CALN1: variants seen among roughly 807,000 people sequenced by gnomAD.
CALN1 encodes the protein calneuron 1, also known as calcium-binding protein 8.
CALN1 carries 17 observed loss-of-function variants against 30.6 expected under a neutral mutation model. That is an observed-to-expected ratio of 0.56 (90% CI 0.38 to 0.83). CALN1 has a LOEUF of 0.83. Ranked by LOEUF, CALN1 falls within the 40% of genes least tolerant of loss-of-function variation. CALN1 has a pLI of 0.00. For missense variants in CALN1, 291 were observed against 354.9 expected, an observed-to-expected ratio of 0.82 and a Z score of 1.45; for synonymous variants, 156 against 131.4, an observed-to-expected ratio of 1.19 and a Z score of -1.28.
At position 71,787,745 on chromosome 7, in the gene CALN1, C is replaced by T; in HGVS notation, c.*30G>A. The stretch of plus-strand genomic sequence containing the variant: ...GCACGGCATGCACATGCGCGGTGAG[C>T]TGCAACACAGTGTGGCTGGCGGGAG... On this transcript the variant is annotated 3_prime_UTR_variant, in exon 7 of 7. Transcript: ENST00000395275. The T allele has an allele frequency of 6.2e-7, 1 of 1,612,130 alleles. No homozygotes were observed. Among genetic ancestry groups the T allele is most frequent in the South Asian group, 1.1e-5 (1 of 90,924 alleles).
intron 3 of CALN1, among the ~76,000 whole-genome samples, chr7:72,126,182 C>G (rs1681330596): frequency 6.6e-6 from 1 of 152,116 alleles, no homozygotes; most frequent in African/African-American, 2.4e-5. Context: ...GTTTTCCATT[C>G]CTGAGTTGCT....
chr7:72,029,793 C>G (rs1053885291), intron 4 of CALN1, among the ~76,000 whole-genome samples: 1 of 152,222 alleles, frequency 6.6e-6, no homozygotes, highest in African/African-American at 2.4e-5. Flanking sequence ...CGCCTCTCTG[C>G]CTTTCCCTGA....
intron 1 of CALN1, among the ~76,000 whole-genome samples, chr7:72,404,022 T>C (rs1806531635): frequency 2.0e-5 from 3 of 152,236 alleles, no homozygotes; most frequent in South Asian, 2.1e-4. Context: ...CTGCAACCCA[T>C]GCATATGGAA....
At chr7:72,021,655 C>A (rs544027834) in intron 5 of CALN1, among the ~76,000 whole-genome samples, 16 of 152,290 alleles carry the variant, frequency 1.1e-4, no homozygotes, top group African/African-American at 3.6e-4. Flanking sequence ...GTCTCACTCT[C>A]CCCTGATCCT....
At chr7:71,946,493 G>A (rs1464178292) in intron 5 of CALN1, among the ~76,000 whole-genome samples, 2 of 150,964 alleles carry the variant, frequency 1.3e-5, no homozygotes, top group African/African-American at 4.9e-5. Flanking sequence ...TCAGCCTCTC[G>A]AGTAGCTAGG....
intron 3 of CALN1, among the ~76,000 whole-genome samples, chr7:72,116,039 T>G (rs1807962986): frequency 6.6e-6 from 1 of 152,174 alleles, no homozygotes; most frequent in African/African-American, 2.4e-5. Flanking sequence ...ATTGTGTATA[T>G]GGACTACATC....
the CALN1 span, among the ~76,000 whole-genome samples, chr7:72,456,510 C>T: frequency 6.6e-6 from 1 of 152,032 alleles, no homozygotes; most frequent in African/African-American, 2.4e-5. Context: ...TGCACTCGAG[C>T]CCATGAGACA....
At chr7:72,098,545 A>G (rs1381581860) in intron 4 of CALN1, among the ~76,000 whole-genome samples, 1 of 151,992 alleles carries the variant, frequency 6.6e-6, no homozygotes, top group African/African-American at 2.4e-5. Context: ...CTCTGCAAAG[A>G]ATAATAAAAA....
chr7:72,214,388 G>T (rs971935367), intron 3 of CALN1, among the ~76,000 whole-genome samples: 7 of 152,026 alleles, frequency 4.6e-5, no homozygotes, highest in Non-Finnish European at 7.4e-5. Context: ...GCTGAGGCAG[G>T]AGAATCACTT....
At chr7:72,278,008 C>CCGG (rs1554348562) in intron 3 of CALN1, among the ~76,000 whole-genome samples, 1 of 49,100 alleles carries the variant, frequency 2.0e-5, no homozygotes, top group Non-Finnish European at 3.9e-5. Flanking sequence ...TCCTCTATTC[C>CCGG]GGGGGGGGGG....
At chr7:71,940,434 A>G (rs531230612) in intron 5 of CALN1, among the ~76,000 whole-genome samples, 29 of 152,164 alleles carry the variant, frequency 1.9e-4, no homozygotes, top group East Asian at 1.9e-4. Context: ...TTGTTACAGC[A>G]AATTTCCTGA....
Position 72,102,871 on chromosome 7 carries a change from G to A in CALN1, c.388+3280C>T, listed in dbSNP as rs180987783. Among the ~76,000 whole-genome samples, 5 of 152,094 alleles carry A rather than the reference G, an allele frequency of 3.3e-5. No homozygotes were observed. In the East Asian group the frequency reaches 9.7e-4, roughly 30 times the overall value. On this transcript the variant is annotated intron_variant, in intron 4 of 6. Coordinates refer to ENST00000395275, the MANE Select transcript of CALN1 (RefSeq NM_031468.4). ...AGGCGGATCACAAGGTCAAGAGATC[G>A]AGACCATCCTGCCCACCATGGTGAA...
rs182857485 is a variant in CALN1, at chr7:71,804,206, T to C, written c.658+6130A>G. On this transcript the variant is annotated intron_variant, in intron 6 of 6. Transcript: ENST00000395275. ...ACCCAAAATTCAGACAAATGAAAAATAGAATCATTGCTATAACATGGGCCC... is the reference window on the plus strand; with the variant it reads ...ACCCAAAATTCAGACAAATGAAAAACAGAATCATTGCTATAACATGGGCCC... 4.7e-3 allele frequency among the ~76,000 whole-genome samples: 714 copies of C among 152,072 alleles called. 3 individuals carry two copies. Among genetic ancestry groups the C allele is most frequent in the Non-Finnish European group, 7.9e-3 (534 of 67,998 alleles).
At chr7:71,947,703 G>A (rs574042068) in intron 5 of CALN1, among the ~76,000 whole-genome samples, 1 of 152,184 alleles carries the variant, frequency 6.6e-6, no homozygotes, top group East Asian at 1.9e-4. Flanking sequence ...CACTTTGAGA[G>A]CCCCAGGCAG....
At chr7:72,309,917 T>C (rs1011790455) in intron 2 of CALN1, among the ~76,000 whole-genome samples, 1 of 152,286 alleles carries the variant, frequency 6.6e-6, no homozygotes, top group South Asian at 2.1e-4. Flanking sequence ...GGGGCAAGCC[T>C]GGACAAACTC....
intron 3 of CALN1, among the ~76,000 whole-genome samples, chr7:72,244,672 G>A (rs1795050344): frequency 6.6e-6 from 1 of 151,464 alleles, no homozygotes; most frequent in Admixed American, 6.6e-5. Context: ...AATGGGGGTT[G>A]AGTAGGAACT....
chr7:72,499,997 C>A, the CALN1 span, among the ~76,000 whole-genome samples: 2 of 151,260 alleles, frequency 1.3e-5, no homozygotes, highest in African/African-American at 4.9e-5. Context: ...CTACAACCTC[C>A]GCCTCCCAGG....
chr7:72,136,827 G>A (rs931754017), intron 3 of CALN1, among the ~76,000 whole-genome samples: 1 of 152,158 alleles, frequency 6.6e-6, no homozygotes, highest in African/African-American at 2.4e-5. Context: ...GACAGATAGG[G>A]AAGGGCTGGT....
intron 2 of CALN1, among the ~76,000 whole-genome samples, chr7:72,397,524 G>A (rs933277241): frequency 1.3e-5 from 2 of 152,152 alleles, no homozygotes; most frequent in African/African-American, 4.8e-5. Flanking sequence ...AATTCCAGGA[G>A]TGAAGGGGTG....
Sources: allele counts gnomAD v4.1 joint callset (sites outside exome capture counted in the v4.1 genomes callset), GRCh38; gene constraint gnomAD v4.1.1; transcripts MANE v1.5; gene names NCBI Gene and HGNC (gene_info 2026-07-23, HGNC 2026-07-21).